MTHFD2L: variants seen among roughly 807,000 people sequenced by gnomAD.
MTHFD2L encodes the protein bifunctional methylenetetrahydrofolate dehydrogenase/cyclohydrolase 2, mitochondrial.
MTHFD2L carries 29 observed loss-of-function variants against 34.9 expected under a neutral mutation model. The observed-to-expected ratio is 0.83, with a 90% CI of 0.62 to 1.13. MTHFD2L has a LOEUF of 1.13. MTHFD2L is among the 50% of genes most tolerant of loss of function. The pLI is 0.00. For missense variants in MTHFD2L, 481 were observed against 446.5 expected (o/e 1.08, Z -0.70); for synonymous variants, 167 against 155.7 (o/e 1.07, Z -0.54).
chr4:74,299,397 G>A (rs1750018099), intron 7 of MTHFD2L, among the ~76,000 whole-genome samples: 1 of 149,734 alleles, frequency 6.7e-6, no homozygotes, highest in Admixed American at 6.6e-5. Context: ...AGCAGCAGCA[G>A]CAGCAGCAGT....
At chr4:74,186,546 C>G (rs1731305033) in intron 3 of MTHFD2L, among the ~76,000 whole-genome samples, 1 of 149,966 alleles carries the variant, frequency 6.7e-6, no homozygotes, top group Non-Finnish European at 1.5e-5. Flanking sequence ...TGTATACTTT[C>G]AACCAGATAT....
At position 74,168,541 on chromosome 4, in the gene MTHFD2L, T is replaced by A. The variant is rs566429878; in HGVS notation, c.144-5965T>A. Among the ~76,000 whole-genome samples the A allele has an allele frequency of 2.0e-3, 303 of 152,368 alleles. 1 individual carries two copies. The highest frequency in any genetic ancestry group is 6.8e-3 in the African/African-American group (282 of 41,584). ...ATATTAAATACTTGTTGTTTTTCAA[T>A]TTGCTTATATCTTCTTCAACTAGAA... On this transcript the variant is annotated intron_variant, in intron 1 of 7. Coordinates refer to ENST00000325278, the MANE Select transcript of MTHFD2L (RefSeq NM_001144978.3).
chr4:74,204,782 A>C (rs1344958539), intron 5 of MTHFD2L, among the ~76,000 whole-genome samples: 1 of 152,124 alleles, frequency 6.6e-6, no homozygotes, highest in Non-Finnish European at 1.5e-5. Flanking sequence ...ATTTTAATTT[A>C]TTTTTTATCA....
chr4:74,284,627 G>A (rs1747920345), intron 7 of MTHFD2L, among the ~76,000 whole-genome samples: 3 of 151,538 alleles, frequency 2.0e-5, no homozygotes, highest in Admixed American at 1.3e-4. Context: ...CTCCCATTCT[G>A]TACATTGCCT....
chr4:74,140,896 A>G (rs529058173), intron 1 of MTHFD2L, among the ~76,000 whole-genome samples: 1 of 152,328 alleles, frequency 6.6e-6, no homozygotes, highest in South Asian at 2.1e-4. Flanking sequence ...GGTTCCTCCC[A>G]CAAAACATGG....
chr4:74,145,952 G>A (rs1723568068), intron 1 of MTHFD2L, among the ~76,000 whole-genome samples: 3 of 152,062 alleles, frequency 2.0e-5, no homozygotes. Flanking sequence ...GCAGAACCTT[G>A]AGCCAAGTAA....
intron 6 of MTHFD2L, among the ~76,000 whole-genome samples, chr4:74,242,514 T>G (rs982225300): frequency 6.6e-6 from 1 of 152,186 alleles, no homozygotes; most frequent in Non-Finnish European, 1.5e-5. Context: ...AGGTTATTAT[T>G]TCTATATTAT....
Position 74,190,573 on chromosome 4 carries a change from G to T in MTHFD2L, c.452-9221G>T, listed in dbSNP as rs952280973. On this transcript the variant is annotated intron_variant, in intron 3 of 7. Coordinates refer to ENST00000325278, the MANE Select transcript of MTHFD2L (RefSeq NM_001144978.3). ...TGTTCTCAGAATTTGGGGTGGAGTA[G>T]CTCAGCGAGGTTAGAGTGTGTTCCC... is the stretch of plus-strand genomic sequence containing the variant. 123 of 949,384 alleles carry T rather than the reference G, an allele frequency of 1.3e-4. 2 individuals carry two copies. Among genetic ancestry groups the T allele is most frequent in the Non-Finnish European group, 1.5e-4 (120 of 797,242 alleles). 58.8% of individuals were successfully genotyped at this position (949,384 alleles called of 1,614,324 possible). A position where few individuals can be genotyped will look rare whatever the true frequency, so the allele number is the denominator to read the frequency against.
intron 5 of MTHFD2L, among the ~76,000 whole-genome samples, chr4:74,217,609 G>A (rs1246671819): frequency 6.6e-6 from 1 of 151,764 alleles, no homozygotes; most frequent in African/African-American, 2.4e-5. Context: ...CTCTATATGT[G>A]AGGTTCTAGC....
upstream of MTHFD2L, among the ~76,000 whole-genome samples, chr4:74,154,392 C>T (rs1724119304): frequency 6.6e-6 from 1 of 152,108 alleles, no homozygotes; most frequent in African/African-American, 2.4e-5. Context: ...TTCTACTCCT[C>T]CTTCAGAGTG....
chr4:74,268,197 G>A (rs1258878438), intron 6 of MTHFD2L: 4 of 982,810 alleles, frequency 4.1e-6, no homozygotes, highest in South Asian at 4.8e-5. Flanking sequence ...TATTACTAAT[G>A]TAGGCTCTAT....
chr4:74,231,397 C>G (rs1740035615), intron 6 of MTHFD2L, among the ~76,000 whole-genome samples: 1 of 152,102 alleles, frequency 6.6e-6, no homozygotes, highest in Non-Finnish European at 1.5e-5. Context: ...TCCACCATCC[C>G]CACAGCTCAT....
intron 3 of MTHFD2L, among the ~76,000 whole-genome samples, chr4:74,187,458 T>C (rs1444202792): frequency 6.6e-6 from 1 of 152,172 alleles, no homozygotes; most frequent in Non-Finnish European, 1.5e-5. Flanking sequence ...TAAAAGTATT[T>C]GAACAGACAC....
chr4:74,292,500 A>G (rs1749083159), intron 7 of MTHFD2L, among the ~76,000 whole-genome samples: 1 of 151,806 alleles, frequency 6.6e-6, no homozygotes, highest in Admixed American at 6.6e-5. Context: ...TTTGGAGAGT[A>G]CTCCAGAAAG....
At chr4:74,238,921 G>C (rs537567861) in intron 6 of MTHFD2L, among the ~76,000 whole-genome samples, 29 of 152,348 alleles carry the variant, frequency 1.9e-4, no homozygotes, top group African/African-American at 7.0e-4. Flanking sequence ...GTGGAAGACA[G>C]TATGGTGGTT....
chr4:74,205,244 A>G (rs1336879323), intron 5 of MTHFD2L, among the ~76,000 whole-genome samples: 5 of 152,184 alleles, frequency 3.3e-5, no homozygotes, highest in African/African-American at 9.7e-5. Context: ...GGGAAAGTTA[A>G]TATTTCAAAC....
chr4:74,279,305 T>A (rs970682811), intron 6 of MTHFD2L, among the ~76,000 whole-genome samples: 1 of 152,054 alleles, frequency 6.6e-6, no homozygotes, highest in Non-Finnish European at 1.5e-5. Context: ...ATATTTTATA[T>A]TTAATATATA....
At chr4:74,199,273 G>A (rs958173932) in intron 3 of MTHFD2L, among the ~76,000 whole-genome samples, 3 of 152,096 alleles carry the variant, frequency 2.0e-5, no homozygotes, top group African/African-American at 4.8e-5. Context: ...GAAAAGATGT[G>A]TGTGTGTGCG....
chr4:74,243,627 T>C (rs945577041), intron 6 of MTHFD2L, among the ~76,000 whole-genome samples: 2 of 152,160 alleles, frequency 1.3e-5, no homozygotes, highest in Non-Finnish European at 2.9e-5. Flanking sequence ...CTGTTCAGAG[T>C]TTCTTTCTCT....
Sources: allele counts gnomAD v4.1 joint callset (sites outside exome capture counted in the v4.1 genomes callset), GRCh38; gene constraint gnomAD v4.1.1; transcripts MANE v1.5; gene names NCBI Gene and HGNC (gene_info 2026-07-23, HGNC 2026-07-21).